Variants in MORC1 observed in about 807,000 individuals in gnomAD.
MORC1 encodes MORC family CW-type zinc finger protein 1.
Under a neutral mutation model 134.9 loss-of-function variants are expected in MORC1, and 59 were observed. The ratio of observed to expected loss-of-function variants is 0.44; its 90% confidence interval spans 0.35 to 0.54. The LOEUF (loss-of-function observed/expected upper bound fraction) is 0.54, where lower values mean the gene tolerates loss of function less well. Among genes scored for constraint, MORC1 ranks in the 20% least tolerant of loss-of-function variants. The probability of loss-of-function intolerance (pLI) is 0.00; values close to 1 mark genes in which losing one functional copy is unlikely to be tolerated. For missense variants in MORC1, 947 were observed against 1,134.5 expected (o/e 0.83, Z 2.37); for synonymous variants, 395 against 391.7 (o/e 1.01, Z -0.10).
intron 17 of MORC1, among the ~76,000 whole-genome samples, chr3:109,027,485 C>A (rs1431438497): frequency 6.6e-6 from 1 of 152,022 alleles, no homozygotes; most frequent in Non-Finnish European, 1.5e-5. Context: ...GTTCTATGTG[C>A]AGCTGTGGAG....
At chr3:109,026,350 T>A (rs181778937) in intron 17 of MORC1, among the ~76,000 whole-genome samples, 30 of 152,212 alleles carry the variant, frequency 2.0e-4, no homozygotes, top group Non-Finnish European at 3.1e-4. Flanking sequence ...TTGGCTTAAA[T>A]CTTATGAAAA....
At chr3:108,995,308 TA>T (rs555278557) in intron 21 of MORC1, among the ~76,000 whole-genome samples, 1 of 152,134 alleles carries the variant, frequency 6.6e-6, no homozygotes, top group African/African-American at 2.4e-5. Flanking sequence ...AGGTGTGATT[TA>T]AAAAAAATTC....
At chr3:108,969,780 C>T in intron 25 of MORC1, 58 bp from the exon 26 acceptor site, 3 of 1,515,472 alleles carry the variant, frequency 2.0e-6, no homozygotes, top group Non-Finnish European at 1.8e-6. Context: ...GTGCTGTCTA[C>T]AGCAGAGTTA....
intron 14 of MORC1, among the ~76,000 whole-genome samples, chr3:109,054,094 C>T (rs1949895260): frequency 6.6e-6 from 1 of 151,704 alleles, no homozygotes; most frequent in Non-Finnish European, 1.5e-5. Context: ...CCAGCCTGGC[C>T]AAGATGGTAA....
At chr3:109,111,051 A>T (rs1257295669) in intron 2 of MORC1, among the ~76,000 whole-genome samples, 4 of 4,328 alleles carry the variant, frequency 9.2e-4, no homozygotes, top group Admixed American at 8.3e-3. Context: ...GATATAATTT[A>T]AAAAAAAAAA....
At chr3:109,076,133 A>G (rs13323502) in intron 8 of MORC1, among the ~76,000 whole-genome samples, 29,055 of 152,146 alleles carry the variant, frequency 0.19, 3,311 homozygotes, top group Middle Eastern at 0.32. Context: ...AAACAAATTT[A>G]CTAGAAAAAA....
intron 1 of MORC1, 32 bp downstream of exon 1, chr3:109,117,963 C>A (rs751002048): frequency 1.3e-6 from 2 of 1,550,014 alleles, no homozygotes; most frequent in East Asian, 4.8e-5. Context: ...CGCAGAGACC[C>A]TCCCCGACCC....
At chr3:109,043,188 T>TGGGGG (rs112162969) in intron 14 of MORC1, among the ~76,000 whole-genome samples, 3 of 55,568 alleles carry the variant, frequency 5.4e-5, no homozygotes, top group Admixed American at 1.9e-4. Context: ...TGGCAAAATG[T>TGGGGG]GGGGGGGGGG....
At chr3:109,064,907 C>T (rs975206811) in intron 9 of MORC1, among the ~76,000 whole-genome samples, 10 of 152,172 alleles carry the variant, frequency 6.6e-5, no homozygotes, top group African/African-American at 2.4e-4. Flanking sequence ...CTAACCTCTA[C>T]ACTTGCACCT....
At chr3:108,966,137 C>T (rs1947214924) in intron 26 of MORC1, among the ~76,000 whole-genome samples, 1 of 152,082 alleles carries the variant, frequency 6.6e-6, no homozygotes, top group Non-Finnish European at 1.5e-5. Context: ...ATAATTGTAA[C>T]AAGATGAGAG....
At chr3:109,063,532 A>C (rs1204790802) in intron 9 of MORC1, among the ~76,000 whole-genome samples, 1 of 152,134 alleles carries the variant, frequency 6.6e-6, no homozygotes, top group African/African-American at 2.4e-5. Context: ...AATTCTATGA[A>C]GTTGTTCCCT....
At chr3:109,027,562 G>GCA (rs1296465555) in intron 17 of MORC1, among the ~76,000 whole-genome samples, 189 bp downstream of exon 17, 1 of 119,610 alleles carries the variant, frequency 8.4e-6, no homozygotes, top group Non-Finnish European at 1.8e-5. Context: ...CACATATACA[G>GCA]TATTTTTTTT....
chr3:109,099,587 C>A, intron 5 of MORC1, 121 bp from the exon 6 acceptor site: 1 of 704,602 alleles, frequency 1.4e-6, no homozygotes, highest in Non-Finnish European at 2.1e-6. Context: ...GTTCTGCTGA[C>A]CCGTCATCAA....
chr3:108,979,461 A>G, intron 24 of MORC1, 54 bp downstream of exon 24: 1 of 1,577,874 alleles, frequency 6.3e-7, no homozygotes, highest in Non-Finnish European at 8.7e-7. Flanking sequence ...AGGAGTTGTC[A>G]CTGCTTAGAA....
chr3:109,032,909 T>C (rs2107610067), intron 15 of MORC1, 84 bp from the exon 16 acceptor site: 2 of 873,762 alleles, frequency 2.3e-6, no homozygotes, highest in East Asian at 2.5e-5. Flanking sequence ...ATATCAAAAG[T>C]ATGAGGTATC....
chr3:109,074,610 T>C (rs1394505091), intron 8 of MORC1, among the ~76,000 whole-genome samples: 1 of 152,226 alleles, frequency 6.6e-6, no homozygotes, highest in East Asian at 1.9e-4. Flanking sequence ...TGAAGGACAA[T>C]GGAACTGACA....
At chr3:108,971,437 C>A (rs763466332) in intron 24 of MORC1, 35 bp from the exon 25 acceptor site, 2 of 1,571,768 alleles carry the variant, frequency 1.3e-6, no homozygotes, top group Admixed American at 3.4e-5. Context: ...TGGGAATATA[C>A]TAGGATAACA....
chr3:108,960,773 T>C (rs1009501457), intron 27 of MORC1, among the ~76,000 whole-genome samples: 23 of 152,264 alleles, frequency 1.5e-4, no homozygotes, highest in Non-Finnish European at 2.9e-4. Flanking sequence ...ATACACCTTA[T>C]AGTCCTGATC....
chr3:109,101,093 A>C (rs1055678927), intron 4 of MORC1, among the ~76,000 whole-genome samples: 1 of 152,190 alleles, frequency 6.6e-6, no homozygotes, highest in African/African-American at 2.4e-5. Context: ...ATGTGGTGTA[A>C]GAGGCAACTA....
Sources: allele counts gnomAD v4.1 joint callset (sites outside exome capture counted in the v4.1 genomes callset), GRCh38; gene constraint gnomAD v4.1.1; transcripts MANE v1.5; gene names NCBI Gene and HGNC (gene_info 2026-07-23, HGNC 2026-07-21).